The following CCND1 variants were observed in gnomAD, a reference collection of about 807,000 sequenced individuals.
CCND1 encodes G1/S-specific cyclin-D1.
CCND1 carries 9 observed loss-of-function variants against 26.1 expected under a neutral mutation model. That is an observed-to-expected ratio of 0.35 (90% CI 0.21 to 0.60). CCND1 has a LOEUF of 0.60. Ranked by LOEUF, CCND1 falls within the 20% of genes least tolerant of loss-of-function variation. CCND1 has a pLI of 0.79. For missense variants in CCND1, 335 were observed against 392.9 expected (o/e 0.85, Z 1.25); for synonymous variants, 194 against 166.1 (o/e 1.17, Z -1.29).
In CCND1 at chr11:69,641,222, G is replaced by T; in HGVS notation, c.-92G>T. On this transcript the variant is annotated 5_prime_UTR_variant, in exon 1 of 5. Transcript: ENST00000227507. ...ACGCTCCGGCGAGGGGCAGAAGAGC[G>T]CGAGGGAGCGCGGGGCAGCAGAAGC... 1 of 1,269,960 alleles carries T rather than the reference G, an allele frequency of 7.9e-7. No homozygotes were observed. The highest frequency in any genetic ancestry group is 1.1e-6 in the Non-Finnish European group (1 of 886,356). 78.7% of individuals were successfully genotyped at this position (1,269,960 alleles called of 1,614,324 possible). A position where few individuals can be genotyped will look rare whatever the true frequency, so the allele number is the denominator to read the frequency against.
At chr11:69,650,971 A>T (rs1855846195) in intron 4 of CCND1, 147 bp from the exon 5 acceptor site, 1 of 647,706 alleles carries the variant, frequency 1.5e-6, no homozygotes, top group African/African-American at 1.9e-5. Context: ...TCAGGTTCAG[A>T]GGAGGCAGCA....
At chr11:69,644,500 G>A (rs1360343581) in intron 3 of CCND1, among the ~76,000 whole-genome samples, 2 of 152,182 alleles carry the variant, frequency 1.3e-5, no homozygotes, top group East Asian at 3.9e-4. Flanking sequence ...CGAGTGCAGG[G>A]GTGTCCAGCA....
Position 69,651,417 on chromosome 11 carries a change from G to A in CCND1, c.*135G>A, listed in dbSNP as rs927763170. 2.6e-6 allele frequency: 2 copies of A among 760,192 alleles called. No individual in the cohort carries two copies. Among genetic ancestry groups the A allele is most frequent in the Non-Finnish European group, 3.8e-6 (2 of 531,422 alleles). The allele number at this position is 760,192 out of a possible 1,614,324, so 47.1% of individuals were successfully genotyped here. Reference sequence around the variant, plus strand: ...AGCTTCATTCTCCTTGTTGTTGGTTGTTTTTTCCTTTGCTCTTTCCCCCTT... The same window carrying A: ...AGCTTCATTCTCCTTGTTGTTGGTTATTTTTTCCTTTGCTCTTTCCCCCTT... On this transcript the variant is annotated 3_prime_UTR_variant, in exon 5 of 5. Coordinates refer to ENST00000227507, the MANE Select transcript of CCND1 (RefSeq NM_053056.3).
rs773884084 is a variant in CCND1, at chr11:69,641,335, T to G, written c.22T>G (p.Cys8Gly). ...AGCCATGGAACACCAGCTCCTGTGC[T>G]GCGAAGTGGAAACCATCCGCCGCGC... Reference protein sequence around the residue: MEHQLLCCEVETIRRAYP... With the variant: MEHQLLCGEVETIRRAYP... The change falls in exon 1 of 5, where the codon TGC becomes GGC. Residue 8 changes from cysteine to glycine, a missense_variant. By Grantham distance (159) the Cys-to-Gly change is radical. Coordinates refer to ENST00000227507, the MANE Select transcript of CCND1 (RefSeq NM_053056.3). 2 of 1,612,726 alleles carry G rather than the reference T, an allele frequency of 1.2e-6. No individual in the cohort carries two copies. The highest frequency in any genetic ancestry group is 1.7e-6 in the Non-Finnish European group (2 of 1,180,018).
At position 69,652,157 on chromosome 11, in the gene CCND1, T is replaced by C. The variant is rs1855864357; in HGVS notation, c.*875T>C. On this transcript the variant is annotated 3_prime_UTR_variant, in exon 5 of 5. Coordinates refer to ENST00000227507, the MANE Select transcript of CCND1 (RefSeq NM_053056.3). The stretch of plus-strand genomic sequence containing the variant: ...GACATAATATATTCTATTTTTATAC[T>C]CTTCCTATTTTTGTAGTGACCTGTT... The C allele has an allele frequency of 4.3e-6, 1 of 233,590 alleles. No individual in the cohort carries two copies. Among genetic ancestry groups the C allele is most frequent in the African/African-American group, 2.2e-5 (1 of 45,340 alleles). The allele number at this position is 233,590 out of a possible 1,614,324, so 14.5% of individuals were successfully genotyped here. A position where few individuals can be genotyped will look rare whatever the true frequency, so the allele number is the denominator to read the frequency against.
rs979621757 is a variant in CCND1 at position 69,654,056 on chromosome 11, C to T, written c.*2774C>T. 20 of 604,364 alleles carry T rather than the reference C, an allele frequency of 3.3e-5. No homozygotes were observed. Among genetic ancestry groups the T allele is most frequent in the Admixed American group, 2.6e-4 (9 of 35,076 alleles). 37.4% of individuals were successfully genotyped at this position (604,364 alleles called of 1,614,324 possible). A position where few individuals can be genotyped will look rare whatever the true frequency, so the allele number is the denominator to read the frequency against. Reference sequence around the variant, plus strand: ...GAATTTGCACCCCGCTGCGGGCCCACGTGGTTGGGGCCCTGCCCTGGCAGG... The same window carrying T: ...GAATTTGCACCCCGCTGCGGGCCCATGTGGTTGGGGCCCTGCCCTGGCAGG... On this transcript the variant is annotated 3_prime_UTR_variant, in exon 5 of 5. Transcript: ENST00000227507. This position sits in a 1 kb window ranked among gnomAD's most constrained non-coding sequence, Gnocchi z 6.3.
intron 4 of CCND1, 59 bp from the exon 5 acceptor site, chr11:69,651,059 G>A (rs1319221314): frequency 1.5e-5 from 23 of 1,504,312 alleles, no homozygotes; most frequent in African/African-American, 7.1e-5. Flanking sequence ...AGGGGCCCTC[G>A]CTGCAGGCCC....
Position 69,643,198 on chromosome 11 carries a change from G to A in CCND1, c.366G>A (p.Glu122=), listed in dbSNP as rs2120089853. 3.7e-6 allele frequency: 6 copies of A among 1,604,696 alleles called. No individual in the cohort carries two copies. Among genetic ancestry groups the A allele is most frequent in the Non-Finnish European group, 5.1e-6 (6 of 1,176,038 alleles). Residue 122 remains glutamate, a synonymous_variant, in exon 2 of 5, where the codon GAG becomes GAA. Coordinates refer to ENST00000227507, the MANE Select transcript of CCND1 (RefSeq NM_053056.3). The stretch of plus-strand genomic sequence containing the variant: ...AGGAGACCATCCCCCTGACGGCCGA[G>A]AAGCTGTGCATCTACACCGACAACT... ...KMKETIPLTA[E]KLCIYTDNSI... is the part of the protein sequence containing the mutation.
At position 69,644,005 on chromosome 11, in the gene CCND1, G is replaced by A. The variant is rs748185975; in HGVS notation, c.574+14G>A. On this transcript the variant is annotated intron_variant, in intron 3 of 4. Coordinates refer to ENST00000227507, the MANE Select transcript of CCND1 (RefSeq NM_053056.3). ...TCTGTGCCACAGGTAGGGCAGGCCC[G>A]GCAGCCCCCGGCCTCCCCTTGAGAG... 1.2e-6 allele frequency: 2 copies of A among 1,612,782 alleles called. No individual in the cohort carries two copies. The highest frequency in any genetic ancestry group is 1.3e-5 in the African/African-American group (1 of 74,944).
At position 69,652,804 on chromosome 11, in the gene CCND1, A is replaced by AC. The variant is rs57561503; in HGVS notation, c.*1522_*1523insC. Reference sequence around the variant, plus strand: ...TACACACACACACACACACACACACAAACCTTCTGCCTTTGATGTTACAGA... The same window carrying AC: ...TACACACACACACACACACACACACACAACCTTCTGCCTTTGATGTTACAGA... On this transcript the variant is annotated 3_prime_UTR_variant, in exon 5 of 5. Coordinates refer to ENST00000227507, the MANE Select transcript of CCND1 (RefSeq NM_053056.3). 24 of 239,692 alleles carry AC rather than the reference A, an allele frequency of 1.0e-4. No individual in the cohort carries two copies. The highest frequency in any genetic ancestry group is 5.1e-4 in the African/African-American group (23 of 44,882). The allele number at this position is 239,692 out of a possible 1,614,324, so 14.8% of individuals were successfully genotyped here. A position where few individuals can be genotyped will look rare whatever the true frequency, so the allele number is the denominator to read the frequency against.
At chr11:69,642,913 C>T (rs1391691351) in intron 1 of CCND1, 118 bp from the exon 2 acceptor site, 4 of 591,838 alleles carry the variant, frequency 6.8e-6, no homozygotes, top group Non-Finnish European at 1.0e-5. Context: ...GCCCCCAGCC[C>T]CGACCCCTCG....
rs1357350806 is a variant in CCND1, at chr11:69,654,270, G to T, written c.*2988G>T. ...TCCTGGATGTTGTGTGTATCGAGAG[G>T]CCAAAGGCTGGTGGCAAGTGCACGG... On this transcript the variant is annotated 3_prime_UTR_variant, in exon 5 of 5. Transcript: ENST00000227507. This position sits in a 1 kb window ranked among gnomAD's most constrained non-coding sequence, Gnocchi z 6.3. The T allele has an allele frequency of 1.4e-6, 1 of 702,606 alleles. No individual in the cohort carries two copies. Among genetic ancestry groups the T allele is most frequent in the Admixed American group, 2.0e-5 (1 of 50,028 alleles). The allele number at this position is 702,606 out of a possible 1,614,324, so 43.5% of individuals were successfully genotyped here. A position where few individuals can be genotyped will look rare whatever the true frequency, so the allele number is the denominator to read the frequency against.
intron 3 of CCND1, 174 bp from the exon 4 acceptor site, chr11:69,647,820 T>C: frequency 1.5e-6 from 1 of 663,826 alleles, no homozygotes; most frequent in Non-Finnish European, 2.5e-6. Context: ...GCTCTCCGAG[T>C]GCCCAGGGAT....
At chr11:69,645,328 T>C (rs895677215) in intron 3 of CCND1, among the ~76,000 whole-genome samples, 1 of 152,138 alleles carries the variant, frequency 6.6e-6, no homozygotes, top group African/African-American at 2.4e-5. Context: ...GGGGCGTGGT[T>C]CTTGCACAGC....
Position 69,653,387 on chromosome 11 carries a change from T to C in CCND1, c.*2105T>C. 1 of 686,280 alleles carries C rather than the reference T, an allele frequency of 1.5e-6. No homozygotes were observed. Among genetic ancestry groups the C allele is most frequent in the Non-Finnish European group, 2.6e-6 (1 of 380,378 alleles). 42.5% of individuals were successfully genotyped at this position (686,280 alleles called of 1,614,324 possible). ...CCATGTACTAGTTTTAGTTTTCTCT[T>C]AGAACATTGTATTACAGATGCCTTT... On this transcript the variant is annotated 3_prime_UTR_variant, in exon 5 of 5. Coordinates refer to ENST00000227507, the MANE Select transcript of CCND1 (RefSeq NM_053056.3).
At position 69,652,281 on chromosome 11, in the gene CCND1, C is replaced by T. The variant is rs1253765879; in HGVS notation, c.*999C>T. ...TTGTGTTCTTCTTCATATTCTAAAA[C>T]CATTCCATTTCCAAGCACTTTCAGT... On this transcript the variant is annotated 3_prime_UTR_variant, in exon 5 of 5. Transcript: ENST00000227507. 1 of 233,592 alleles carries T rather than the reference C, an allele frequency of 4.3e-6. No homozygotes were observed. The highest frequency in any genetic ancestry group is 2.2e-5 in the African/African-American group (1 of 45,326). 14.5% of individuals were successfully genotyped at this position (233,592 alleles called of 1,614,324 possible). A position where few individuals can be genotyped will look rare whatever the true frequency, so the allele number is the denominator to read the frequency against.
chr11:69,646,799 A>T (rs1565072356), intron 3 of CCND1, among the ~76,000 whole-genome samples: 1 of 152,120 alleles, frequency 6.6e-6, no homozygotes, highest in South Asian at 2.1e-4. Flanking sequence ...ACCAGGACGT[A>T]ATTGGTGGCA....
At chr11:69,642,022 G>A (rs988007603) in intron 1 of CCND1, among the ~76,000 whole-genome samples, 8 of 152,106 alleles carry the variant, frequency 5.3e-5, no homozygotes, top group African/African-American at 1.4e-4. Context: ...TGGGGGCAGG[G>A]TGGGGGCGGG....
At chr11:69,649,958 G>A (rs1055779446) in intron 4 of CCND1, among the ~76,000 whole-genome samples, 1 of 152,230 alleles carries the variant, frequency 6.6e-6, no homozygotes, top group Non-Finnish European at 1.5e-5. Context: ...CATTTGCCAT[G>A]ATGAGAATTT....
Sources: allele counts gnomAD v4.1 joint callset (sites outside exome capture counted in the v4.1 genomes callset), GRCh38; gene constraint gnomAD v4.1.1; non-coding constraint Gnocchi (gnomAD v3.1); transcripts MANE v1.5; gene names NCBI Gene and HGNC (gene_info 2026-07-23, HGNC 2026-07-21).